The following SORBS2 variants were observed in gnomAD, a reference collection of about 807,000 sequenced individuals.
SORBS2 encodes sorbin and SH3 domain containing 2, also known as sorbin and SH3 domain-containing protein 2.
Under a neutral mutation model 97.7 loss-of-function variants are expected in SORBS2, and 46 were observed. The ratio of observed to expected loss-of-function variants is 0.47; its 90% CI spans 0.37 to 0.60. The LOEUF (loss-of-function observed/expected upper bound fraction) is 0.60, where lower values mean the gene tolerates loss of function less well. SORBS2 is among the 20% of genes least tolerant of loss of function. The pLI, the probability that SORBS2 is intolerant of heterozygous loss-of-function variation, is 0.00. For synonymous variants in SORBS2, 476 were observed against 473.4 expected (o/e 1.01, Z -0.07); for missense variants, 1,316 against 1,282.3 (o/e 1.03, Z -0.40).
exon 4 of SORBS2, chr4:185,678,472 C>T: frequency 6.4e-7 from 1 of 1,551,076 alleles, no homozygotes; most frequent in Non-Finnish European, 8.7e-7. Flanking sequence ...GCTTCTAAAA[C>T]CTTTTGCTGC....
chr4:185,858,079 C>T (rs1449232216), intron 1 of SORBS2, among the ~76,000 whole-genome samples: 2 of 152,152 alleles, frequency 1.3e-5, no homozygotes, highest in East Asian at 1.9e-4. Context: ...TTTTGCAGCT[C>T]GAGGTCTCCA....
chr4:185,666,270 G>A (rs1276592215), intron 4 of SORBS2: 6 of 854,418 alleles, frequency 7.0e-6, no homozygotes, highest in Admixed American at 2.4e-5. Flanking sequence ...CTCTTTTTGC[G>A]ATGTGGCAGA....
chr4:185,589,596 G>T (rs1266401584), intron 14 of SORBS2, 83 bp downstream of exon 26: 1 of 787,158 alleles, frequency 1.3e-6, no homozygotes, highest in Non-Finnish European at 2.3e-6. Flanking sequence ...AGGAAGCTCG[G>T]CCATCACAGC....
At chr4:185,745,531 G>A (rs985078899) in intron 2 of SORBS2, among the ~76,000 whole-genome samples, 1 of 152,290 alleles carries the variant, frequency 6.6e-6, no homozygotes, top group East Asian at 1.9e-4. Context: ...CATAGCACCT[G>A]TGCACCCGAG....
chr4:185,831,724 G>A (rs1345580668), intron 1 of SORBS2, among the ~76,000 whole-genome samples: 1 of 152,162 alleles, frequency 6.6e-6, no homozygotes, highest in African/African-American at 2.4e-5. Context: ...GCTTACAGTG[G>A]AGACTGAAGG....
At chr4:185,620,693 C>G (rs1194702869) in intron 7 of SORBS2, among the ~76,000 whole-genome samples, 2 of 152,184 alleles carry the variant, frequency 1.3e-5, no homozygotes, top group Non-Finnish European at 2.9e-5. Flanking sequence ...TTACTCTCCC[C>G]TCTTCGCTCT....
intron 1 of SORBS2, among the ~76,000 whole-genome samples, chr4:185,846,335 T>C (rs978056234): frequency 4.6e-5 from 7 of 152,136 alleles, no homozygotes; most frequent in African/African-American, 1.7e-4. Flanking sequence ...AATAATACAT[T>C]CTGGAAAAAT....
chr4:185,911,516 C>G (rs898100935), intron 1 of SORBS2, among the ~76,000 whole-genome samples: 2 of 152,066 alleles, frequency 1.3e-5, no homozygotes, highest in African/African-American at 2.4e-5. Flanking sequence ...TGAGCCACCA[C>G]GCCCAGCCTG....
At chr4:185,784,670 C>G (rs1183541125) in intron 1 of SORBS2, among the ~76,000 whole-genome samples, 1 of 152,180 alleles carries the variant, frequency 6.6e-6, no homozygotes, top group Non-Finnish European at 1.5e-5. Context: ...AAACAATCAT[C>G]TAAAAACAAC....
At chr4:185,890,591 G>A (rs146979614) in intron 1 of SORBS2, among the ~76,000 whole-genome samples, 28 of 152,276 alleles carry the variant, frequency 1.8e-4, no homozygotes, top group Middle Eastern at 3.4e-3. Context: ...TCACCCTGAC[G>A]GCTTCATGAC....
intron 2 of SORBS2, among the ~76,000 whole-genome samples, chr4:185,752,066 C>A (rs555302351): frequency 6.6e-6 from 1 of 152,056 alleles, no homozygotes; most frequent in Non-Finnish European, 1.5e-5. Flanking sequence ...CACAACCTGG[C>A]TCCAGATGTC....
At chr4:185,657,548 G>A (rs2097428415), upstream of SORBS2, 5 of 1,580,610 alleles carry the variant, frequency 3.2e-6, no homozygotes, top group East Asian at 2.4e-5. Context: ...AGAGCTGCTG[G>A]TGGTGCCATC....
At position 185,952,071 on chromosome 4, in the gene SORBS2, C is replaced by T. The variant is rs566879227; in HGVS notation, c.-338+4125G>A. On this transcript the variant is annotated intron_variant, in intron 1 of 20. Transcript: ENST00000284776. ...GATAGAGTCTCACTCTGTCGCCAGG[C>T]TGGAGTGCAGTGGCAAGATCTCGGC... Among the ~76,000 whole-genome samples the T allele has an allele frequency of 4.7e-5, 7 of 149,610 alleles. No homozygotes were observed. In the East Asian group the frequency reaches 1.4e-3, roughly 29 times the overall value.
chr4:185,843,808 C>T (rs552240926), intron 1 of SORBS2, among the ~76,000 whole-genome samples: 2 of 152,158 alleles, frequency 1.3e-5, no homozygotes, highest in African/African-American at 4.8e-5. Flanking sequence ...TGCAATAAAT[C>T]CCAATTAAAA....
chr4:185,703,252 C>CA (rs2098291973), intron 2 of SORBS2, among the ~76,000 whole-genome samples: 1 of 152,164 alleles, frequency 6.6e-6, no homozygotes, highest in Admixed American at 6.5e-5. Flanking sequence ...AAGAAACAGA[C>CA]AGAACTTCAG....
At position 185,620,281 on chromosome 4, in the gene SORBS2, G is replaced by A. The variant is rs1004814999; in HGVS notation, c.2216-130C>T. On this transcript the variant is annotated intron_variant, in intron 7 of 14. Transcript: ENST00000418609. Reference sequence around the variant, plus strand: ...AGAGACACCGTTATCGAACACATGGGCATAAAACTCATAGTTCATTACAAA... The same window carrying A: ...AGAGACACCGTTATCGAACACATGGACATAAAACTCATAGTTCATTACAAA... 1.2e-5 allele frequency: 8 copies of A among 675,062 alleles called. No individual in the cohort carries two copies. In the African/African-American group the frequency reaches 1.3e-4, roughly 11 times the overall value. The allele number at this position is 675,062 out of a possible 1,614,324, so 41.8% of individuals were successfully genotyped here. A position where few individuals can be genotyped will look rare whatever the true frequency, so the allele number is the denominator to read the frequency against.
chr4:185,762,972 T>A lies in SORBS2; in HGVS notation c.-198+12255A>T, dbSNP rs557629780. 1.7e-3 allele frequency among the ~76,000 whole-genome samples: 264 copies of A among 152,132 alleles called. 4 individuals carry two copies. The highest frequency in any genetic ancestry group is 9.6e-4 in the Non-Finnish European group (65 of 68,016). On this transcript the variant is annotated intron_variant, in intron 2 of 20. Coordinates refer to the SORBS2 transcript ENST00000284776. ...GGGAGGCTGAAGCGGGTGGATCACC[T>A]GAGGTCAGGAGTTCGAGACCAGCCT...
At chr4:185,705,090 G>A (rs577480098) in intron 2 of SORBS2, among the ~76,000 whole-genome samples, 36 of 152,336 alleles carry the variant, frequency 2.4e-4, no homozygotes, top group South Asian at 6.2e-4. Flanking sequence ...ACAGGCACAC[G>A]TACACATGCT....
intron 1 of SORBS2, among the ~76,000 whole-genome samples, chr4:185,820,505 T>C (rs1279523900): frequency 2.0e-5 from 3 of 152,172 alleles, no homozygotes; most frequent in African/African-American, 7.2e-5. Flanking sequence ...AGGGCTGGCC[T>C]TCAGAGGAGG....
Sources: gnomAD v4.1 joint callset for allele counts (sites outside exome capture counted in the v4.1 genomes callset) on GRCh38, gnomAD v4.1.1 for gene constraint, MANE v1.5 for transcripts, NCBI Gene and HGNC (gene_info 2026-07-23, HGNC 2026-07-21) for gene names.